The following SERGEF variants were observed in gnomAD, a reference collection of about 807,000 sequenced individuals.
The protein encoded by SERGEF is secretion regulating guanine nucleotide exchange factor.
A neutral mutation model predicts 50.0 loss-of-function variants in SERGEF; 51 were observed. The observed-to-expected ratio is 1.02, with a 90% confidence interval of 0.81 to 1.29. The LOEUF is 1.29. SERGEF is among the 50% of genes most tolerant of loss of function. The pLI is 0.00. For synonymous variants in SERGEF, 205 were observed against 212.4 expected, an observed-to-expected ratio of 0.97 and a Z score of 0.30; for missense variants, 521 against 557.0, an observed-to-expected ratio of 0.94 and a Z score of 0.65.
chr11:18,011,135 C>CAT (rs1397941231), intron 1 of SERGEF, among the ~76,000 whole-genome samples: 2 of 130,988 alleles, frequency 1.5e-5, no homozygotes, highest in Admixed American at 7.6e-5. Flanking sequence ...CACATGCACA[C>CAT]ATACACACAC....
chr11:17,845,144 C>T (rs1464974337), intron 10 of SERGEF, among the ~76,000 whole-genome samples: 1 of 152,196 alleles, frequency 6.6e-6, no homozygotes, highest in Non-Finnish European at 1.5e-5. Flanking sequence ...TCTGTTGTTT[C>T]ACTGTGGTTT....
intron 1 of SERGEF, among the ~76,000 whole-genome samples, chr11:18,011,088 T>C (rs550948989): frequency 7.9e-5 from 12 of 151,960 alleles, no homozygotes; most frequent in Middle Eastern, 3.2e-3. Context: ...GTTGTTTGCC[T>C]TTCTTCCTCA....
At chr11:17,887,762 T>C (rs1055864503) in intron 9 of SERGEF, among the ~76,000 whole-genome samples, 7 of 152,222 alleles carry the variant, frequency 4.6e-5, no homozygotes, top group Admixed American at 1.3e-4. Flanking sequence ...GCAGTTTTAT[T>C]CATAATAAAA....
chr11:17,797,678 T>C (rs559302879), intron 10 of SERGEF, among the ~76,000 whole-genome samples: 23 of 152,350 alleles, frequency 1.5e-4, no homozygotes, highest in African/African-American at 5.3e-4. Flanking sequence ...TCCCAGTACC[T>C]GAAACAGTGC....
intron 8 of SERGEF, among the ~76,000 whole-genome samples, chr11:17,986,427 C>A (rs1398744225): frequency 6.6e-6 from 1 of 152,200 alleles, no homozygotes; most frequent in Non-Finnish European, 1.5e-5. Flanking sequence ...TCTGAATTAA[C>A]AAGCTAAGTA....
intron 9 of SERGEF, among the ~76,000 whole-genome samples, chr11:17,947,063 A>G (rs897503607): frequency 6.6e-6 from 1 of 152,216 alleles, no homozygotes; most frequent in Non-Finnish European, 1.5e-5. Flanking sequence ...ACCACCACAC[A>G]TGGGATAATC....
intron 10 of SERGEF, chr11:17,856,351 A>C (rs538739677): frequency 6.6e-6 from 1 of 152,324 alleles, no homozygotes; most frequent in East Asian, 1.9e-4. Context: ...TACTTTGTTG[A>C]CTTCTTTTCA....
intron 9 of SERGEF, among the ~76,000 whole-genome samples, chr11:17,940,991 C>A (rs904892607): frequency 7.2e-5 from 11 of 152,278 alleles, no homozygotes; most frequent in African/African-American, 2.6e-4. Flanking sequence ...CTTAAACATA[C>A]AGAAAAGCTT....
chr11:17,800,704 C>T (rs1466024643), intron 10 of SERGEF, among the ~76,000 whole-genome samples: 1 of 152,118 alleles, frequency 6.6e-6, no homozygotes, highest in Non-Finnish European at 1.5e-5. Flanking sequence ...GGAAGTCCTC[C>T]CCAATAATGT....
At chr11:17,990,822 A>G (rs1853699044) in intron 7 of SERGEF, among the ~76,000 whole-genome samples, 2 of 151,816 alleles carry the variant, frequency 1.3e-5, no homozygotes, top group African/African-American at 4.8e-5. Flanking sequence ...GCTGGAGTAC[A>G]GTGGTGTGAT....
At chr11:17,945,259 C>T (rs901102231) in intron 9 of SERGEF, among the ~76,000 whole-genome samples, 1 of 152,108 alleles carries the variant, frequency 6.6e-6, no homozygotes, top group South Asian at 2.1e-4. Flanking sequence ...GCTGAAAGCA[C>T]AATACAAATA....
intron 9 of SERGEF, among the ~76,000 whole-genome samples, chr11:17,879,162 A>G (rs1851294254): frequency 6.6e-6 from 1 of 152,236 alleles, no homozygotes; most frequent in Admixed American, 6.5e-5. Context: ...TACCTAATAC[A>G]TAAAAGACAA....
rs1274432275 is a variant in SERGEF, at chr11:17,995,850, G to C, written c.568C>G (p.Pro190Ala). The part of the protein sequence containing the change: ...GLASCGRRLC[P>A]GQTLPLFFTA... Reference sequence around the variant, plus strand: ...AAAAACAATGGAAGAGTCTGCCCAGGGCACAACCGTCGTCCACATGATGCC... The same window carrying C: ...AAAAACAATGGAAGAGTCTGCCCAGCGCACAACCGTCGTCCACATGATGCC... Residue 190 changes from proline to alanine, a missense_variant, in exon 6 of 11, where the codon CCT (proline) becomes GCT (alanine). By Grantham distance (27) the Pro-to-Ala change is conservative (BLOSUM62 -1). Transcript: ENST00000265965. The C allele has an allele frequency of 9.9e-6, 16 of 1,614,020 alleles. No homozygotes were observed. Among genetic ancestry groups the C allele is most frequent in the Non-Finnish European group, 1.4e-5 (16 of 1,179,984 alleles).
chr11:17,987,293 G>T, intron 8 of SERGEF, among the ~76,000 whole-genome samples: 1 of 152,224 alleles, frequency 6.6e-6, no homozygotes. Flanking sequence ...GCAGGAAAAT[G>T]AGTAAATTCT....
At chr11:17,914,205 A>T (rs973289175) in intron 9 of SERGEF, among the ~76,000 whole-genome samples, 6 of 152,126 alleles carry the variant, frequency 3.9e-5, no homozygotes, top group African/African-American at 1.4e-4. Flanking sequence ...CTTCTTGTCC[A>T]AATCTTACGG....
intron 10 of SERGEF, among the ~76,000 whole-genome samples, chr11:17,839,366 A>T (rs1292486452): frequency 1.3e-5 from 2 of 152,204 alleles, no homozygotes; most frequent in African/African-American, 4.8e-5. Context: ...ACACATTAGA[A>T]AAATAATTCC....
At chr11:17,981,252 G>C (rs1481664597) in intron 8 of SERGEF, among the ~76,000 whole-genome samples, 1 of 152,186 alleles carries the variant, frequency 6.6e-6, no homozygotes, top group Non-Finnish European at 1.5e-5. Flanking sequence ...CTGTAGCATA[G>C]TACTATATGC....
intron 9 of SERGEF, among the ~76,000 whole-genome samples, chr11:17,893,676 C>A (rs1390253161): frequency 1.3e-5 from 2 of 152,172 alleles, no homozygotes; most frequent in African/African-American, 4.8e-5. Context: ...GCAGAAAGAT[C>A]TTGTGTATAT....
chr11:17,817,111 A>G (rs2133840590), intron 10 of SERGEF, among the ~76,000 whole-genome samples: 1 of 152,284 alleles, frequency 6.6e-6, no homozygotes, highest in South Asian at 2.1e-4. Context: ...GCTAGGGTCT[A>G]TGAGAGGAAA....
Sources: gnomAD v4.1 joint callset for allele counts (sites outside exome capture counted in the v4.1 genomes callset) on GRCh38, gnomAD v4.1.1 for gene constraint, MANE v1.5 for transcripts, NCBI Gene and HGNC (gene_info 2026-07-23, HGNC 2026-07-21) for gene names.